The following SMIM35 variants were observed in gnomAD, a reference collection of about 807,000 sequenced individuals.
The protein encoded by SMIM35 is TMPRSS4 antisense RNA 1 (non-protein coding).
At chr11:118,060,496 G>C (rs778486532) in intron 1 of SMIM35, among the ~76,000 whole-genome samples, 6 of 152,216 alleles carry the variant, frequency 3.9e-5, no homozygotes, top group Non-Finnish European at 5.9e-5. Context: ...TTCCCAGGCC[G>C]GCAGCGAGGG....
chr11:118,068,316 T>C (rs540841135), intron 1 of SMIM35, among the ~76,000 whole-genome samples: 126 of 151,908 alleles, frequency 8.3e-4, no homozygotes, highest in African/African-American at 2.9e-3. Flanking sequence ...ATCCAAATGC[T>C]CCCTCCTCGG....
At chr11:118,070,275 C>G (rs1944551301) in intron 1 of SMIM35, among the ~76,000 whole-genome samples, 1 of 152,170 alleles carries the variant, frequency 6.6e-6, no homozygotes, top group Non-Finnish European at 1.5e-5. Context: ...CTCCCGGGTT[C>G]AAGTGATTCT....
chr11:118,056,632 G>T (rs1944313995), intron 1 of SMIM35, among the ~76,000 whole-genome samples: 1 of 152,116 alleles, frequency 6.6e-6, no homozygotes, highest in Non-Finnish European at 1.5e-5. Context: ...TCGCAGAAGG[G>T]GATGAAATCC....
chr11:118,020,247 G>C (rs544739218), intron 1 of SMIM35, among the ~76,000 whole-genome samples: 5 of 152,256 alleles, frequency 3.3e-5, no homozygotes, highest in African/African-American at 1.2e-4. Context: ...GCCTGGGTGA[G>C]AGAGCGAGAC....
chr11:118,009,300 T>G (rs1198641814), intron 4 of SMIM35, among the ~76,000 whole-genome samples: 1 of 152,202 alleles, frequency 6.6e-6, no homozygotes, highest in African/African-American at 2.4e-5. Context: ...CAGTTTGGAC[T>G]GAGGCTAGAA....
chr11:118,054,460 G>T (rs1237938395), intron 1 of SMIM35, among the ~76,000 whole-genome samples: 1 of 152,166 alleles, frequency 6.6e-6, no homozygotes, highest in Non-Finnish European at 1.5e-5. Flanking sequence ...AACTCATCCA[G>T]AGACTTTGGT....
At chr11:118,012,600 G>T (rs1357402923) in intron 4 of SMIM35, among the ~76,000 whole-genome samples, 1 of 152,194 alleles carries the variant, frequency 6.6e-6, no homozygotes, top group Non-Finnish European at 1.5e-5. Context: ...TTTCTAGACT[G>T]TTCTCAGCAC....
intron 4 of SMIM35, among the ~76,000 whole-genome samples, chr11:118,010,495 G>A (rs2058144442): frequency 2.0e-5 from 3 of 152,336 alleles, no homozygotes; most frequent in South Asian, 4.1e-4. Context: ...CCTCCAGCAC[G>A]CTCCAGTTTT....
intron 1 of SMIM35, among the ~76,000 whole-genome samples, chr11:118,059,987 T>C (rs1404605359): frequency 6.6e-6 from 1 of 152,228 alleles, no homozygotes; most frequent in Non-Finnish European, 1.5e-5. Flanking sequence ...GCCTTGAGCC[T>C]GGGAGTGAGT....
intron 1 of SMIM35, among the ~76,000 whole-genome samples, chr11:118,034,991 G>A (rs1400701913): frequency 2.1e-4 from 31 of 148,642 alleles, no homozygotes; most frequent in Admixed American, 1.5e-3. Flanking sequence ...TCACTCTGTC[G>A]CCCAGGCTGG....
intron 4 of SMIM35, among the ~76,000 whole-genome samples, chr11:118,011,037 G>A (rs2058147403): frequency 6.6e-6 from 1 of 152,244 alleles, no homozygotes. Context: ...CCAGGGGTAA[G>A]GCCCAGGCCC....
chr11:118,086,427 C>CA (rs1945560756), intron 1 of SMIM35, among the ~76,000 whole-genome samples: 1 of 152,246 alleles, frequency 6.6e-6, no homozygotes, highest in African/African-American at 2.4e-5. Context: ...TCTAATGTAG[C>CA]AGCCAAGGCT....
intron 1 of SMIM35, among the ~76,000 whole-genome samples, chr11:118,018,436 G>A: frequency 6.6e-6 from 1 of 152,138 alleles, no homozygotes; most frequent in Non-Finnish European, 1.5e-5. Flanking sequence ...GGAAAGGAGT[G>A]CAAGGAACTA....
chr11:118,028,890 G>A (rs1448462323), intron 1 of SMIM35: 5 of 437,792 alleles, frequency 1.1e-5, no homozygotes, highest in Admixed American at 7.3e-5. Context: ...AGAAGAAGGA[G>A]GAGGGGAAGG....
At chr11:118,046,198 A>G (rs1807641834) in intron 1 of SMIM35, among the ~76,000 whole-genome samples, 1 of 152,178 alleles carries the variant, frequency 6.6e-6, no homozygotes, top group South Asian at 2.1e-4. Flanking sequence ...ACTGATGACC[A>G]AAAGTCTGCC....
chr11:118,070,076 C>A (rs920308884), intron 1 of SMIM35, among the ~76,000 whole-genome samples: 1 of 152,130 alleles, frequency 6.6e-6, no homozygotes, highest in Non-Finnish European at 1.5e-5. Context: ...AAGCTATGCA[C>A]GGAGGTCATT....
At chr11:118,032,956 A>G (rs2058330836) in intron 1 of SMIM35, among the ~76,000 whole-genome samples, 1 of 152,178 alleles carries the variant, frequency 6.6e-6, no homozygotes, top group South Asian at 2.1e-4. Context: ...GAGTGAGATT[A>G]TGTGTCATTT....
At chr11:118,066,074 G>A (rs1040996281) in intron 1 of SMIM35, among the ~76,000 whole-genome samples, 25 of 151,930 alleles carry the variant, frequency 1.6e-4, no homozygotes, top group African/African-American at 4.4e-4. Context: ...AGGACCCCCC[G>A]GACGTACGAC....
At chr11:118,027,815 C>T (rs2058287032) in intron 1 of SMIM35, among the ~76,000 whole-genome samples, 2 of 152,206 alleles carry the variant, frequency 1.3e-5, no homozygotes, top group Admixed American at 6.5e-5. Flanking sequence ...TGAGGCTCTT[C>T]AAAACGGAGT....
Sources: gnomAD v4.1 joint callset for allele counts (sites outside exome capture counted in the v4.1 genomes callset) on GRCh38, gnomAD v4.1.1 for gene constraint, MANE v1.5 for transcripts, NCBI Gene and HGNC (gene_info 2026-07-23, HGNC 2026-07-21) for gene names.